The following MMD2 variants were observed in gnomAD, a reference collection of about 807,000 sequenced individuals.
The protein encoded by MMD2 is monocyte to macrophage differentiation associated 2.
MMD2 carries 30 observed loss-of-function variants against 33.5 expected under a neutral mutation model. That is an observed-to-expected ratio of 0.90 (90% CI 0.67 to 1.22). The LOEUF (loss-of-function observed/expected upper bound fraction) is 1.22, where lower values mean the gene tolerates loss of function less well. Ranked by LOEUF, MMD2 falls within the 50% of genes most tolerant of loss-of-function variation. The probability of loss-of-function intolerance (pLI) is 0.00; values close to 1 mark genes in which losing one functional copy is unlikely to be tolerated. For synonymous variants in MMD2, 129 were observed against 123.0 expected, an observed-to-expected ratio of 1.05 and a Z score of -0.32; for missense variants, 364 against 325.4, an observed-to-expected ratio of 1.12 and a Z score of -0.91.
At chr7:4,951,738 T>G (rs184434894) in intron 1 of MMD2, among the ~76,000 whole-genome samples, 2 of 152,288 alleles carry the variant, frequency 1.3e-5, no homozygotes, top group East Asian at 3.9e-4. Context: ...TAGCTGGGAC[T>G]ACAGGCATGA....
intron 2 of MMD2, among the ~76,000 whole-genome samples, chr7:4,922,601 A>G (rs148723370): frequency 6.6e-6 from 1 of 152,220 alleles, no homozygotes; most frequent in African/African-American, 2.4e-5. Context: ...TAGAGATGGA[A>G]TCGCTCTCTG....
chr7:4,958,746 C>G (rs916747587), intron 1 of MMD2, among the ~76,000 whole-genome samples: 5 of 152,238 alleles, frequency 3.3e-5, no homozygotes, highest in African/African-American at 4.8e-5. Flanking sequence ...AGTGAAGCGA[C>G]TTGCCCAATG....
At chr7:4,908,242 AC>A (rs1333294524) in intron 6 of MMD2, among the ~76,000 whole-genome samples, 3 of 150,172 alleles carry the variant, frequency 2.0e-5, no homozygotes, top group African/African-American at 7.4e-5. Context: ...CCTGGGTTCA[AC>A]CAATTCTCCT....
chr7:4,895,689 A>G, the MMD2 span, among the ~76,000 whole-genome samples: 306 of 152,166 alleles, frequency 2.0e-3, no homozygotes, highest in African/African-American at 7.1e-3. Context: ...GGCGCGCACC[A>G]CCACATCTGG....
intron 1 of MMD2, among the ~76,000 whole-genome samples, chr7:4,953,220 C>T (rs1444246342): frequency 6.6e-6 from 1 of 151,648 alleles, no homozygotes; most frequent in African/African-American, 2.4e-5. Flanking sequence ...TATCTGTTGT[C>T]TGCTTCCCAC....
chr7:4,911,846 C>T (rs934120866), intron 4 of MMD2, among the ~76,000 whole-genome samples: 1 of 151,912 alleles, frequency 6.6e-6, no homozygotes, highest in Non-Finnish European at 1.5e-5. Flanking sequence ...TGGGGTTTCT[C>T]CATGTTGGCC....
chr7:4,917,375 G>A (rs1785167879), intron 3 of MMD2, among the ~76,000 whole-genome samples: 1 of 152,050 alleles, frequency 6.6e-6, no homozygotes, highest in African/African-American at 2.4e-5. Flanking sequence ...AATACCAGCT[G>A]TTTTGGCCAG....
Position 4,959,128 on chromosome 7 carries a change from A to T in MMD2, c.-111T>A. Reference sequence around the variant, plus strand: ...GTTGGAGGGCGCGCGGCGGGGGCCAAGGGGACCTGGTCGGCGCCCGGAGCC... The same window carrying T: ...GTTGGAGGGCGCGCGGCGGGGGCCATGGGGACCTGGTCGGCGCCCGGAGCC... On this transcript the variant is annotated 5_prime_UTR_variant, in exon 1 of 7. The change creates a new upstream start codon in the 5' untranslated region. Transcript: ENST00000401401. 1.2e-6 allele frequency: 1 copy of T among 851,952 alleles called. No homozygotes were observed. The highest frequency in any genetic ancestry group is 1.5e-6 in the Non-Finnish European group (1 of 655,186). The allele number at this position is 851,952 out of a possible 1,614,324, so 52.8% of individuals were successfully genotyped here.
rs574284782 is a variant in MMD2, at chr7:4,948,305, T to A, written c.47+10666A>T. 2.0e-5 allele frequency among the ~76,000 whole-genome samples: 3 copies of A among 152,264 alleles called. No homozygotes were observed. In the East Asian group the frequency reaches 5.8e-4, roughly 29 times the overall value. On this transcript the variant is annotated intron_variant, in intron 1 of 6. Coordinates refer to ENST00000401401, the MANE Select transcript of MMD2 (RefSeq NM_198403.4). ...ACTTTGGGAGACTGAGGCAGGCAGA[T>A]CACCTGAGGCCAGGAGTTAGAGACC...
At chr7:4,921,146 G>C (rs535607269) in intron 2 of MMD2, among the ~76,000 whole-genome samples, 2 of 152,180 alleles carry the variant, frequency 1.3e-5, no homozygotes, top group South Asian at 4.2e-4. Context: ...CCAGAGAGTG[G>C]CCATCCCCAC....
chr7:4,943,004 CTTTTTTT>C (rs33983457), intron 1 of MMD2, among the ~76,000 whole-genome samples: 2 of 85,694 alleles, frequency 2.3e-5, no homozygotes, highest in East Asian at 4.1e-4. Context: ...CTGCCCTTTT[CTTTTTTT>C]TTTTTTTTTT....
At chr7:4,898,144 C>T in the MMD2 span, among the ~76,000 whole-genome samples, 7 of 152,194 alleles carry the variant, frequency 4.6e-5, no homozygotes, top group South Asian at 4.1e-4. Flanking sequence ...AGGTCCCCCA[C>T]GAACATGGGC....
Position 4,931,165 on chromosome 7 carries a change from T to C in MMD2, c.48-5633A>G, listed in dbSNP as rs114381292. Among the ~76,000 whole-genome samples the C allele has an allele frequency of 5.1e-3, 772 of 152,104 alleles. 4 individuals carry two copies. The highest frequency in any genetic ancestry group is 0.017 in the African/African-American group (711 of 41,494). On this transcript the variant is annotated intron_variant, in intron 1 of 6. Coordinates refer to ENST00000401401, the MANE Select transcript of MMD2 (RefSeq NM_198403.4). ...TGTGCCCGGCCTTTGTTGTTGGTTT[T>C]TGTTTTTGTTTTTTTGAGAAAGGGT...
In MMD2 at chr7:4,909,940, C is replaced by T. The variant is rs748294418; in HGVS notation, c.478G>A (p.Val160Met). ...VFFFHERYKLVELLCYVVMGF... is the reference protein window; with the variant it reads ...VFFFHERYKLMELLCYVVMGF... ...ATTACGACGTAGCAGAGAAGCTCCA[C>T]AAGCTTGTACCTGGCAGGAAGACAA... is the stretch of plus-strand genomic sequence containing the variant. The change falls in exon 6 of 7, where the codon GTG becomes ATG. Residue 160 changes from valine to methionine, a missense_variant. Val to Met is a conservative substitution (Grantham distance 21). Coordinates refer to ENST00000401401, the MANE Select transcript of MMD2 (RefSeq NM_198403.4). The T allele has an allele frequency of 2.5e-6, 4 of 1,613,926 alleles. No individual in the cohort carries two copies. The highest frequency in any genetic ancestry group is 3.4e-6 in the Non-Finnish European group (4 of 1,179,902).
chr7:4,893,616 T>G, the MMD2 span, among the ~76,000 whole-genome samples: 1 of 152,092 alleles, frequency 6.6e-6, no homozygotes, highest in East Asian at 1.9e-4. Context: ...GCTCTTGAAC[T>G]CCTGACCTCA....
intron 3 of MMD2, among the ~76,000 whole-genome samples, chr7:4,917,815 G>T (rs1370270007): frequency 6.6e-6 from 1 of 152,174 alleles, no homozygotes; most frequent in African/African-American, 2.4e-5. Context: ...AATGGTGCCA[G>T]CCTCCACAAT....
intron 4 of MMD2, among the ~76,000 whole-genome samples, chr7:4,915,682 G>A (rs1307320959): frequency 2.0e-5 from 3 of 151,862 alleles, no homozygotes; most frequent in South Asian, 2.1e-4. Context: ...AGAGGTTGCA[G>A]TGAGCCAAGA....
rs116497290 is a variant in MMD2 at position 4,924,639 on chromosome 7, G to C, written c.129+812C>G. ...GCAGGCACTGGCTCAGAGCTTCCCAGCATCTGGGCAGAGGGGAAGACTTTG... is the reference window on the plus strand; with the variant it reads ...GCAGGCACTGGCTCAGAGCTTCCCACCATCTGGGCAGAGGGGAAGACTTTG... On this transcript the variant is annotated intron_variant, in intron 2 of 6. Coordinates refer to ENST00000401401, the MANE Select transcript of MMD2 (RefSeq NM_198403.4). 5.4e-3 allele frequency among the ~76,000 whole-genome samples: 822 copies of C among 152,316 alleles called. 6 individuals are homozygous for C. The highest frequency in any genetic ancestry group is 0.019 in the African/African-American group (793 of 41,566).
At chr7:4,938,756 A>G (rs1394680040) in intron 1 of MMD2, among the ~76,000 whole-genome samples, 1 of 152,148 alleles carries the variant, frequency 6.6e-6, no homozygotes, top group Non-Finnish European at 1.5e-5. Flanking sequence ...GAGAAATGTT[A>G]TTTTATTTAT....
Sources: gnomAD v4.1 joint callset for allele counts (sites outside exome capture counted in the v4.1 genomes callset) on GRCh38, gnomAD v4.1.1 for gene constraint, MANE v1.5 for transcripts, NCBI Gene and HGNC (gene_info 2026-07-23, HGNC 2026-07-21) for gene names.